The following MBP variants were observed in gnomAD, a reference collection of about 807,000 sequenced individuals.
MBP encodes Golli-MBP.
MBP carries 16 observed loss-of-function variants against 35.8 expected under a neutral mutation model. The ratio of observed to expected loss-of-function variants is 0.45; its 90% CI spans 0.30 to 0.68. The LOEUF is 0.68. Ranked by LOEUF, MBP falls within the 30% of genes least tolerant of loss-of-function variation. The pLI, the probability that MBP is intolerant of heterozygous loss-of-function variation, is 0.08. For missense variants in MBP, 380 were observed against 404.7 expected, an observed-to-expected ratio of 0.94 and a Z score of 0.52; for synonymous variants, 143 against 159.6, an observed-to-expected ratio of 0.90 and a Z score of 0.78.
rs183225822 is a variant in MBP at position 77,053,185 on chromosome 18, T to A, written c.139+13113A>T. ...CCAGATGGCTTAGTGATAGGAGCCC[T>A]GGCTGAGGGTGGCCGCATCTGCAGT... On this transcript the variant is annotated intron_variant, in intron 3 of 8. Coordinates refer to ENST00000355994, the MANE Select transcript of MBP (RefSeq NM_001025101.2). 1.5e-3 allele frequency among the ~76,000 whole-genome samples: 235 copies of A among 152,260 alleles called. 1 individual carries two copies. The highest frequency in any genetic ancestry group is 5.4e-3 in the African/African-American group (226 of 41,548).
chr18:77,111,990 G>A (rs1040413616), intron 1 of MBP, among the ~76,000 whole-genome samples: 2 of 152,044 alleles, frequency 1.3e-5, no homozygotes, highest in Middle Eastern at 3.4e-3. Flanking sequence ...CTCCCCCGAC[G>A]TCCCTCCCTC....
chr18:76,993,888 G>A lies in MBP; in HGVS notation c.577-3828C>T, dbSNP rs539157635. Among the ~76,000 whole-genome samples, 5 of 152,326 alleles carry A rather than the reference G, an allele frequency of 3.3e-5. No individual in the cohort carries two copies. The East Asian group carries it at 9.7e-4, about 29-fold the overall frequency. ...CCTTTGAACGTGAGGATGTCAGAAG[G>A]GCCAGGAACATCGGAGTCCTAGTAG... On this transcript the variant is annotated intron_variant, in intron 4 of 8. Transcript: ENST00000355994.
intron 4 of MBP, chr18:77,004,024 A>G (rs1017495586): frequency 1.3e-4 from 20 of 152,200 alleles, no homozygotes; most frequent in Admixed American, 3.3e-4. Context: ...GCACCAGTGA[A>G]ATCAGTATTA....
chr18:77,080,624 C>G (rs939168047), intron 2 of MBP, among the ~76,000 whole-genome samples: 1 of 152,188 alleles, frequency 6.6e-6, no homozygotes, highest in Admixed American at 6.5e-5. Flanking sequence ...AGCTGCCAAT[C>G]CATTTCCTAG....
intron 7 of MBP, chr18:76,987,915 T>C (rs192773457): frequency 9.8e-6 from 11 of 1,118,464 alleles, no homozygotes; most frequent in Admixed American, 4.7e-5. Flanking sequence ...TTAACCAGCC[T>C]AAAATTCCTA....
intron 2 of MBP, 172 bp from the exon 3 acceptor site, chr18:77,066,557 T>G (rs1340715097): frequency 3.9e-6 from 3 of 765,338 alleles, no homozygotes; most frequent in Non-Finnish European, 7.2e-6. Flanking sequence ...TGCGCAGGAT[T>G]CGGAATTCTG....
At chr18:77,069,128 A>G (rs774054709) in intron 2 of MBP, 32 of 452,300 alleles carry the variant, frequency 7.1e-5, no homozygotes, top group Non-Finnish European at 1.2e-4. Flanking sequence ...GAGAACAAGA[A>G]CAGTGCCTTA....
At chr18:76,997,632 C>T (rs941382753) in intron 4 of MBP, among the ~76,000 whole-genome samples, 1 of 152,150 alleles carries the variant, frequency 6.6e-6, no homozygotes, top group African/African-American at 2.4e-5. Context: ...AGGCTGGTGA[C>T]GACCTCGGGC....
intron 4 of MBP, chr18:77,014,819 C>T (rs1446612597): frequency 1.0e-6 from 1 of 985,174 alleles, no homozygotes; most frequent in African/African-American, 1.7e-5. Flanking sequence ...TATTTTTTGC[C>T]TTTGGCATCA....
intron 3 of MBP, among the ~76,000 whole-genome samples, chr18:77,028,904 G>A (rs1489242602): frequency 3.7e-5 from 4 of 107,422 alleles, no homozygotes; most frequent in African/African-American, 1.2e-4. Context: ...GATGGCGGCC[G>A]GGCAGAGACT....
intron 2 of MBP, among the ~76,000 whole-genome samples, chr18:77,078,571 A>G (rs1288487072): frequency 6.6e-6 from 1 of 152,362 alleles, no homozygotes; most frequent in Admixed American, 6.5e-5. Context: ...AGCCAGAATC[A>G]GGAAATTCGA....
At chr18:76,997,540 C>G (rs1318646204) in intron 4 of MBP, among the ~76,000 whole-genome samples, 13 of 152,220 alleles carry the variant, frequency 8.5e-5, no homozygotes, top group Non-Finnish European at 1.6e-4. Context: ...CCGGAGACTC[C>G]AGACCTGGGT....
At chr18:77,040,230 G>C (rs997351195) in intron 3 of MBP, among the ~76,000 whole-genome samples, 5 of 152,000 alleles carry the variant, frequency 3.3e-5, no homozygotes, top group Non-Finnish European at 5.9e-5. Flanking sequence ...AGAAAGAATG[G>C]TCCATCCTCT....
chr18:77,051,819 T>A (rs772390680), intron 3 of MBP, among the ~76,000 whole-genome samples: 18 of 152,168 alleles, frequency 1.2e-4, no homozygotes, highest in Non-Finnish European at 1.5e-4. Context: ...GGGTGCACTT[T>A]GCTAAACCTG....
chr18:77,094,590 T>C (rs895498639), intron 2 of MBP, among the ~76,000 whole-genome samples: 3 of 152,226 alleles, frequency 2.0e-5, no homozygotes, highest in Admixed American at 6.5e-5. Flanking sequence ...GCCAGCATTG[T>C]CTTTTTCTAT....
chr18:77,029,505 G>A (rs112739215), intron 3 of MBP, among the ~76,000 whole-genome samples: 3,064 of 149,578 alleles, frequency 0.02, 114 homozygotes, highest in African/African-American at 0.07. Context: ...TTGCAGAGAT[G>A]GGGTCTTGCC....
intron 2 of MBP, among the ~76,000 whole-genome samples, chr18:77,096,474 A>AC (rs1975761853): frequency 6.6e-6 from 1 of 151,968 alleles, no homozygotes; most frequent in Admixed American, 6.6e-5. Flanking sequence ...ATAAAAAAAA[A>AC]TCAGTTTAAT....
chr18:76,994,586 G>A (rs117460824), intron 4 of MBP, among the ~76,000 whole-genome samples: 470 of 152,288 alleles, frequency 3.1e-3, no homozygotes, highest in Non-Finnish European at 5.6e-3. Flanking sequence ...TATTTTTGAA[G>A]GTGACTGTTA....
At chr18:77,039,903 C>A (rs530637785) in intron 3 of MBP, among the ~76,000 whole-genome samples, 6 of 152,344 alleles carry the variant, frequency 3.9e-5, no homozygotes, top group Admixed American at 2.0e-4. Context: ...CCTCGACAGC[C>A]AGGACCTCTG....
Sources: allele counts gnomAD v4.1 joint callset (sites outside exome capture counted in the v4.1 genomes callset), GRCh38; gene constraint gnomAD v4.1.1; transcripts MANE v1.5; gene names NCBI Gene and HGNC (gene_info 2026-07-23, HGNC 2026-07-21).